Variants in DTWD2 observed in about 807,000 individuals in gnomAD.
The protein encoded by DTWD2 is DTW motif tRNA-uridine aminocarboxypropyltransferase 2.
Under a neutral mutation model 31.8 loss-of-function variants are expected in DTWD2, and 39 were observed. That is an observed-to-expected ratio of 1.22 (90% CI 0.95 to 1.60). DTWD2 has a LOEUF of 1.60. DTWD2 is among the 40% of genes most tolerant of loss of function. The probability of loss-of-function intolerance (pLI) is 0.00; values close to 1 mark genes in which losing one functional copy is unlikely to be tolerated. For missense variants in DTWD2, 515 were observed against 381.5 expected (o/e 1.35, Z -2.92); for synonymous variants, 180 against 142.8 (o/e 1.26, Z -1.86).
intron 4 of DTWD2, among the ~76,000 whole-genome samples, chr5:118,878,074 G>T (rs968108773): frequency 8.1e-4 from 123 of 151,918 alleles, no homozygotes; most frequent in African/African-American, 2.9e-3. Context: ...ACATTAAAAT[G>T]GGCATACTAC....
intron 4 of DTWD2, among the ~76,000 whole-genome samples, chr5:118,865,803 G>C (rs1053322008): frequency 6.6e-6 from 1 of 151,926 alleles, no homozygotes; most frequent in African/African-American, 2.4e-5. Context: ...TTTTCATAAA[G>C]AATATAACCT....
intron 4 of DTWD2, among the ~76,000 whole-genome samples, chr5:118,873,634 C>A (rs1477667748): frequency 1.3e-5 from 2 of 152,194 alleles, no homozygotes; most frequent in African/African-American, 2.4e-5. Context: ...GCCCATCGCC[C>A]CTGCCAATCC....
intron 4 of DTWD2, among the ~76,000 whole-genome samples, chr5:118,910,690 C>A (rs1713631992): frequency 6.6e-6 from 1 of 152,214 alleles, no homozygotes; most frequent in African/African-American, 2.4e-5. Flanking sequence ...CACCCCACTT[C>A]TCAGCACCAA....
intron 1 of DTWD2, among the ~76,000 whole-genome samples, chr5:118,976,662 G>A (rs1159373835): frequency 3.3e-5 from 5 of 152,166 alleles, no homozygotes; most frequent in African/African-American, 1.2e-4. Flanking sequence ...TCCCTGAATA[G>A]ACCGATAACA....
intron 4 of DTWD2, among the ~76,000 whole-genome samples, chr5:118,864,636 A>C (rs760950645): frequency 9.7e-5 from 14 of 145,050 alleles, no homozygotes; most frequent in Non-Finnish European, 1.6e-4. Flanking sequence ...TTTTTATTTT[A>C]TTTTATTTTT....
chr5:118,859,321 T>A (rs945260837), intron 4 of DTWD2, among the ~76,000 whole-genome samples: 9 of 152,132 alleles, frequency 5.9e-5, no homozygotes, highest in African/African-American at 2.2e-4. Context: ...GATTAATGAG[T>A]TAATAATCTC....
intron 3 of DTWD2, 142 bp from the exon 4 acceptor site, chr5:118,928,871 A>C (rs1388756246): frequency 2.9e-6 from 2 of 691,970 alleles, no homozygotes; most frequent in East Asian, 6.2e-5. Context: ...ATAAAGTATG[A>C]ATTAAAAAGA....
intron 3 of DTWD2, among the ~76,000 whole-genome samples, chr5:118,936,407 C>A (rs1754045691): frequency 1.3e-5 from 2 of 151,430 alleles, no homozygotes; most frequent in Admixed American, 1.3e-4. Context: ...CCCAAGAGTT[C>A]AAGGCTACAG....
At chr5:118,975,577 G>C (rs1307488339) in intron 1 of DTWD2, among the ~76,000 whole-genome samples, 2 of 152,182 alleles carry the variant, frequency 1.3e-5, no homozygotes, top group Non-Finnish European at 2.9e-5. Context: ...TGGTGGTGAA[G>C]AGCTGTGATC....
At chr5:118,872,716 T>C (rs1752533495) in intron 4 of DTWD2, among the ~76,000 whole-genome samples, 1 of 152,198 alleles carries the variant, frequency 6.6e-6, no homozygotes, top group Non-Finnish European at 1.5e-5. Flanking sequence ...TTTGAAACAT[T>C]GTAAGAATTA....
chr5:118,933,041 C>G (rs1242997150), intron 3 of DTWD2, among the ~76,000 whole-genome samples: 3 of 152,072 alleles, frequency 2.0e-5, no homozygotes, highest in Admixed American at 1.3e-4. Context: ...ACAAAAAACT[C>G]AATGCCCACA....
chr5:118,965,985 AAG>A (rs1204676767), intron 1 of DTWD2, among the ~76,000 whole-genome samples: 1 of 151,778 alleles, frequency 6.6e-6, no homozygotes, highest in African/African-American at 2.4e-5. Flanking sequence ...GAAAAAAAAA[AAG>A]AGATGCCAGG....
chr5:118,852,430 T>G (rs909691281), intron 4 of DTWD2, among the ~76,000 whole-genome samples: 6 of 152,170 alleles, frequency 3.9e-5, no homozygotes, highest in Admixed American at 1.3e-4. Flanking sequence ...CCATGAAATC[T>G]TCACAATTTA....
At chr5:118,914,687 A>G (rs981439505) in intron 4 of DTWD2, among the ~76,000 whole-genome samples, 1 of 152,216 alleles carries the variant, frequency 6.6e-6, no homozygotes, top group Non-Finnish European at 1.5e-5. Flanking sequence ...TAAAAAGATA[A>G]CAGCTGCACT....
intron 4 of DTWD2, among the ~76,000 whole-genome samples, chr5:118,927,161 A>T (rs1286451923): frequency 6.6e-5 from 10 of 151,858 alleles, no homozygotes. Flanking sequence ...TACTAATCCC[A>T]TCATGAGGGC....
At chr5:118,964,959 G>A (rs535319401) in intron 1 of DTWD2, among the ~76,000 whole-genome samples, 140 of 149,216 alleles carry the variant, frequency 9.4e-4, no homozygotes, top group African/African-American at 3.2e-3. Context: ...AGTGAGGAGC[G>A]CCTCTTCCCG....
chr5:118,923,353 T>G (rs1003368322), intron 4 of DTWD2, among the ~76,000 whole-genome samples: 1 of 152,148 alleles, frequency 6.6e-6, no homozygotes, highest in South Asian at 2.1e-4. Context: ...AAAGTGTTAG[T>G]TGAATGCAGA....
At chr5:118,916,188 T>C (rs923616415) in intron 4 of DTWD2, among the ~76,000 whole-genome samples, 1 of 152,222 alleles carries the variant, frequency 6.6e-6, no homozygotes, top group Non-Finnish European at 1.5e-5. Context: ...AAAGGTTAGC[T>C]GTATAAAAAT....
At chr5:118,953,036 C>T (rs1294166392) in intron 1 of DTWD2, among the ~76,000 whole-genome samples, 3 of 152,116 alleles carry the variant, frequency 2.0e-5, no homozygotes, top group Admixed American at 6.5e-5. Flanking sequence ...TTTTTGTATC[C>T]CCTAGTACAG....
Sources: gnomAD v4.1 joint callset for allele counts (sites outside exome capture counted in the v4.1 genomes callset) on GRCh38, gnomAD v4.1.1 for gene constraint, MANE v1.5 for transcripts, NCBI Gene and HGNC (gene_info 2026-07-23, HGNC 2026-07-21) for gene names.